The following ADCY1 variants were observed in gnomAD, a reference collection of about 807,000 sequenced individuals.
The protein encoded by ADCY1 is adenylate cyclase type 1.
ADCY1 carries 28 observed loss-of-function variants against 105.4 expected under a neutral mutation model. The observed-to-expected ratio is 0.27, with a 90% CI of 0.20 to 0.36. The LOEUF (loss-of-function observed/expected upper bound fraction) is 0.36. Ranked by LOEUF, ADCY1 falls within the 10% of genes least tolerant of loss-of-function variation. ADCY1 has a pLI of 1.00. For missense variants in ADCY1, 977 were observed against 1,434.2 expected (o/e 0.68, Z 5.15); for synonymous variants, 655 against 623.8 (o/e 1.05, Z -0.75).
At chr7:45,576,398 A>G (rs1792349352) in intron 1 of ADCY1, among the ~76,000 whole-genome samples, 2 of 152,074 alleles carry the variant, frequency 1.3e-5, no homozygotes, top group Non-Finnish European at 2.9e-5. Context: ...ACATCACTGG[A>G]CTTGTGTCTT....
At chr7:45,628,413 A>G (rs1794126800) in intron 4 of ADCY1, among the ~76,000 whole-genome samples, 1 of 152,222 alleles carries the variant, frequency 6.6e-6, no homozygotes, top group African/African-American at 2.4e-5. Context: ...TGTAATGGAC[A>G]GAATGGAAAC....
At chr7:45,711,577 C>T (rs1785230322) in intron 19 of ADCY1, among the ~76,000 whole-genome samples, 1 of 144,574 alleles carries the variant, frequency 6.9e-6, no homozygotes, top group African/African-American at 2.6e-5. Flanking sequence ...GTGCAGCCAT[C>T]ACCACCATCC....
intron 14 of ADCY1, among the ~76,000 whole-genome samples, chr7:45,693,568 T>A (rs931310873): frequency 1.3e-5 from 2 of 150,226 alleles, no homozygotes; most frequent in Admixed American, 1.3e-4. Context: ...CTTGGGAGAG[T>A]GTATGTGTCA....
chr7:45,704,606 C>T lies in ADCY1; in HGVS notation c.2807C>T (p.Ser936Leu), dbSNP rs750651163. The change falls in exon 17 of 20, where the codon TCG (serine) becomes TTG (leucine). Residue 936 changes from serine to leucine, a missense_variant. Coordinates refer to ENST00000297323, the MANE Select transcript of ADCY1 (RefSeq NM_021116.4). ...YMAAVGLAPT[S>L]GTKAKKSISS... ...GCCGCTGTGGGGCTAGCGCCCACCT[C>T]GGGGACCAAGGTGAGTGCAGCCTGG... is the stretch of plus-strand genomic sequence containing the variant. 25 of 1,613,718 alleles carry T rather than the reference C, an allele frequency of 1.5e-5. No homozygotes were observed. Among genetic ancestry groups the T allele is most frequent in the Admixed American group, 6.7e-5 (4 of 60,000 alleles).
intron 14 of ADCY1, among the ~76,000 whole-genome samples, chr7:45,697,427 G>GT (rs1365849736): frequency 1.2e-5 from 1 of 85,136 alleles, no homozygotes; most frequent in Non-Finnish European, 2.2e-5. Context: ...TTTTGCTCTT[G>GT]TTGCCCAGGT....
Position 45,611,956 on chromosome 7 carries a change from C to A in ADCY1, c.908+1459C>A, listed in dbSNP as rs80269915. On this transcript the variant is annotated intron_variant, in intron 3 of 19. Transcript: ENST00000297323. ...TTATGTTGAGCACCACAGACTGGGT[C>A]CCTGCAAACCAACACTCATTCATTG... Among the ~76,000 whole-genome samples, 1,215 of 152,260 alleles carry A rather than the reference C, an allele frequency of 8.0e-3. 70 individuals are homozygous for A. In the East Asian group the frequency reaches 0.13, roughly 16 times the overall value.
At chr7:45,599,948 A>G (rs1217078113) in intron 2 of ADCY1, among the ~76,000 whole-genome samples, 1 of 152,050 alleles carries the variant, frequency 6.6e-6, no homozygotes, top group African/African-American at 2.4e-5. Context: ...TCTTTTTCCT[A>G]CTTTGTTTGA....
intron 18 of ADCY1, among the ~76,000 whole-genome samples, chr7:45,709,862 G>C (rs1178949044): frequency 3.3e-5 from 5 of 152,204 alleles, no homozygotes; most frequent in African/African-American, 2.4e-5. Flanking sequence ...AGGAAGTCCA[G>C]GCTCAGAGAG....
At chr7:45,604,200 C>A (rs923602671) in intron 2 of ADCY1, among the ~76,000 whole-genome samples, 1 of 152,182 alleles carries the variant, frequency 6.6e-6, no homozygotes, top group East Asian at 1.9e-4. Flanking sequence ...TACTTTCTAA[C>A]TGGATTTTTT....
intron 1 of ADCY1, among the ~76,000 whole-genome samples, chr7:45,582,591 G>C (rs1048400474): frequency 1.0e-5 from 1 of 98,792 alleles, no homozygotes; most frequent in Non-Finnish European, 2.1e-5. Context: ...GGTGGTGGGG[G>C]ATGGGGTGGG....
chr7:45,672,846 G>T (rs887733909), intron 8 of ADCY1, among the ~76,000 whole-genome samples: 1 of 152,074 alleles, frequency 6.6e-6, no homozygotes. Context: ...GCACTATGCT[G>T]CATGGAAGTG....
intron 11 of ADCY1, among the ~76,000 whole-genome samples, chr7:45,680,847 G>T (rs1390751084): frequency 6.6e-6 from 1 of 152,242 alleles, no homozygotes; most frequent in Non-Finnish European, 1.5e-5. Flanking sequence ...TGTACAAATA[G>T]CATTAGACAT....
intron 5 of ADCY1, among the ~76,000 whole-genome samples, chr7:45,651,500 C>G (rs1029475197): frequency 1.3e-5 from 2 of 152,170 alleles, no homozygotes; most frequent in Non-Finnish European, 2.9e-5. Context: ...TTATTTGAAA[C>G]TTTGGAAATA....
intron 14 of ADCY1, among the ~76,000 whole-genome samples, chr7:45,698,824 G>A (rs1784934693): frequency 6.6e-6 from 1 of 152,180 alleles, no homozygotes; most frequent in Non-Finnish European, 1.5e-5. Context: ...CTATCAAGCT[G>A]GTCATTTTCA....
chr7:45,676,208 A>G (rs538152137), intron 8 of ADCY1, among the ~76,000 whole-genome samples: 1 of 152,050 alleles, frequency 6.6e-6, no homozygotes, highest in East Asian at 1.9e-4. Context: ...TCAGGTCTGT[A>G]ATTTTTATCT....
In ADCY1 at chr7:45,686,575, G is replaced by A. The variant is rs1784680502; in HGVS notation, c.2356G>A (p.Glu786Lys). ...GGGAVSGRSY[E>K]PIVAILLFSC... ...TGGTGCCGTCTCCGGGCGCAGCTAC[G>A]AGCCGATTGTGGCCATCCTGCTCTT... The change falls in exon 14 of 20, where the codon GAG (glutamate) becomes AAG (lysine). Residue 786 changes from glutamate to lysine, a missense_variant. Glu to Lys is a moderately conservative substitution (Grantham distance 56, BLOSUM62 1). Transcript: ENST00000297323. This position sits in a 1 kb window ranked among gnomAD's most constrained non-coding sequence, Gnocchi z 4.3. 3 of 1,612,946 alleles carry A rather than the reference G, an allele frequency of 1.9e-6. No individual in the cohort carries two copies. The highest frequency in any genetic ancestry group is 2.5e-6 in the Non-Finnish European group (3 of 1,179,240).
chr7:45,678,393 T>A (rs537032927), intron 10 of ADCY1, 130 bp downstream of exon 10: 16 of 850,888 alleles, frequency 1.9e-5, no homozygotes, highest in Middle Eastern at 3.2e-4. Context: ...ACAGTTATTG[T>A]CCCAATGTGC....
chr7:45,576,473 G>A (rs1792352341), intron 1 of ADCY1, among the ~76,000 whole-genome samples: 1 of 152,152 alleles, frequency 6.6e-6, no homozygotes. Flanking sequence ...GAAGGCAGGA[G>A]TACATGGAGA....
Position 45,592,829 on chromosome 7 carries a change from G to A in ADCY1, c.710G>A (p.Arg237His), listed in dbSNP as rs903105349. 4.3e-6 allele frequency: 7 copies of A among 1,614,102 alleles called. No homozygotes were observed. The highest frequency in any genetic ancestry group is 2.7e-5 in the African/African-American group (2 of 74,932). The change falls in exon 2 of 20, where the codon CGT becomes CAT. Residue 237 changes from arginine to histidine, a missense_variant. Around this residue, in one of 7 missense-constraint regions of ADCY1, gnomAD observed 196 missense variants for 347.8 expected, o/e 0.56. Coordinates refer to ENST00000297323, the MANE Select transcript of ADCY1 (RefSeq NM_021116.4). ...YGVFVRILTERSQRKAFLQAR... is the reference protein window; with the variant it reads ...YGVFVRILTEHSQRKAFLQAR... Reference sequence around the variant, plus strand: ...GTCTTTGTGCGGATTCTGACTGAGCGTTCACAGAGGAAGGCGTTCCTGCAG... The same window carrying A: ...GTCTTTGTGCGGATTCTGACTGAGCATTCACAGAGGAAGGCGTTCCTGCAG...
Sources: gnomAD v4.1 joint callset for allele counts (sites outside exome capture counted in the v4.1 genomes callset) on GRCh38, gnomAD v4.1.1 for gene constraint, gnomAD v4.1.1 regional missense constraint, Gnocchi (gnomAD v3.1) non-coding constraint, MANE v1.5 for transcripts, NCBI Gene and HGNC (gene_info 2026-07-23, HGNC 2026-07-21) for gene names.